MGLL: variants seen among roughly 807,000 people sequenced by gnomAD.
MGLL encodes the protein monoglyceride lipase.
MGLL carries 7 observed loss-of-function variants against 29.1 expected under a neutral mutation model. The observed-to-expected ratio is 0.24, with a 90% CI of 0.14 to 0.45. MGLL has a LOEUF of 0.45. MGLL is among the 20% of genes least tolerant of loss of function. MGLL has a pLI of 0.99. For missense variants in MGLL, 356 were observed against 413.6 expected (o/e 0.86, Z 1.21); for synonymous variants, 148 against 168.3 (o/e 0.88, Z 0.93).
intron 3 of MGLL, among the ~76,000 whole-genome samples, chr3:127,780,742 C>A (rs969564330): frequency 3.9e-5 from 6 of 152,350 alleles, no homozygotes. Flanking sequence ...GACTTCCAGG[C>A]CTCTGTCATT....
In MGLL at chr3:127,721,067, C is replaced by T; in HGVS notation, c.496G>A (p.Ala166Thr). The change falls in exon 5 of 8, where the codon GCA becomes ACA. Residue 166 changes from alanine to threonine, a missense_variant. Physicochemically the swap from Ala to Thr is moderately conservative, Grantham distance 58 (BLOSUM62 0). Transcript: ENST00000265052. ...SPLVLANPES[A>T]TTFKVLAAKV... Reference sequence around the variant, plus strand: ...GGTCCTTTTACCTTGAAAGTTGTTGCAGATTCAGGATTGGCAAGAACCAGA... The same window carrying T: ...GGTCCTTTTACCTTGAAAGTTGTTGTAGATTCAGGATTGGCAAGAACCAGA... The T allele has an allele frequency of 2.5e-6, 4 of 1,614,166 alleles. No individual in the cohort carries two copies. The highest frequency in any genetic ancestry group is 3.4e-6 in the Non-Finnish European group (4 of 1,180,000).
At chr3:127,813,411 T>C (rs777761049) in intron 2 of MGLL, among the ~76,000 whole-genome samples, 22 of 152,190 alleles carry the variant, frequency 1.4e-4, no homozygotes, top group Middle Eastern at 3.2e-3. Flanking sequence ...CACATACTTC[T>C]AACCACTGTC....
At chr3:127,712,207 C>A (rs2075728853) in intron 5 of MGLL, 1 of 152,248 alleles carries the variant, frequency 6.6e-6, no homozygotes, top group South Asian at 2.1e-4. Flanking sequence ...GTGTCTCTCT[C>A]CACAAATGTA....
chr3:127,705,394 TA>T (rs111421685), intron 6 of MGLL, among the ~76,000 whole-genome samples: 16 of 137,040 alleles, frequency 1.2e-4, no homozygotes, highest in Admixed American at 1.4e-4. Context: ...TAAATTAAAC[TA>T]AAAAAAAAAG....
chr3:127,742,401 C>T (rs1244444257), intron 3 of MGLL, among the ~76,000 whole-genome samples: 1 of 151,886 alleles, frequency 6.6e-6, no homozygotes, highest in East Asian at 1.9e-4. Context: ...ACCAGCCTGG[C>T]CAACATGGTG....
chr3:127,718,754 C>T (rs536966375), intron 5 of MGLL, among the ~76,000 whole-genome samples: 13 of 152,310 alleles, frequency 8.5e-5, no homozygotes, highest in African/African-American at 2.4e-4. Flanking sequence ...TTGCTGCCCA[C>T]GCCAACCGGG....
At chr3:127,746,917 C>T (rs539697853) in intron 3 of MGLL, among the ~76,000 whole-genome samples, 3 of 152,122 alleles carry the variant, frequency 2.0e-5, no homozygotes, top group African/African-American at 2.4e-5. Flanking sequence ...CCTCAGGGGA[C>T]GGGGTCTAGG....
intron 3 of MGLL, among the ~76,000 whole-genome samples, chr3:127,778,901 A>T (rs1421957978): frequency 2.0e-5 from 3 of 151,978 alleles, no homozygotes; most frequent in Non-Finnish European, 4.4e-5. Context: ...ATAGGTATAT[A>T]CCATGGGGCC....
At chr3:127,785,420 G>C (rs536759943) in intron 2 of MGLL, among the ~76,000 whole-genome samples, 1 of 152,376 alleles carries the variant, frequency 6.6e-6, no homozygotes, top group Admixed American at 6.5e-5. Flanking sequence ...ACCACTGGAT[G>C]CTGGGCACTG....
At chr3:127,748,928 T>G (rs2076504903) in intron 3 of MGLL, among the ~76,000 whole-genome samples, 1 of 152,200 alleles carries the variant, frequency 6.6e-6, no homozygotes, top group South Asian at 2.1e-4. Flanking sequence ...GATGCCCACC[T>G]CTGCCCACCT....
chr3:127,736,194 T>C, intron 3 of MGLL: 2 of 1,015,354 alleles, frequency 2.0e-6, no homozygotes, highest in Non-Finnish European at 2.4e-6. Flanking sequence ...TATTGTTAAG[T>C]ATCACTTTAA....
At chr3:127,735,799 TG>T in intron 3 of MGLL, 1 of 1,598,416 alleles carries the variant, frequency 6.3e-7, no homozygotes, top group Non-Finnish European at 8.5e-7. Flanking sequence ...GTATAAATTC[TG>T]GCATTCTCTT....
chr3:127,787,077 C>T (rs760460985), intron 2 of MGLL, among the ~76,000 whole-genome samples: 1 of 152,228 alleles, frequency 6.6e-6, no homozygotes, highest in Non-Finnish European at 1.5e-5. Context: ...GGCTCAGGAT[C>T]GAGGCTTCTG....
intron 6 of MGLL, among the ~76,000 whole-genome samples, chr3:127,704,381 A>G (rs1194819861): frequency 6.6e-6 from 1 of 152,246 alleles, no homozygotes; most frequent in African/African-American, 2.4e-5. Context: ...AACAAATGGT[A>G]TCTAATTAAA....
chr3:127,694,129 G>A (rs2075299777), intron 7 of MGLL, among the ~76,000 whole-genome samples: 1 of 151,774 alleles, frequency 6.6e-6, no homozygotes, highest in Non-Finnish European at 1.5e-5. Flanking sequence ...AATTAGCCGG[G>A]CAGGGTGGCA....
intron 2 of MGLL, among the ~76,000 whole-genome samples, chr3:127,806,404 GATGAATGAATAA>G (rs1225564511): frequency 6.6e-6 from 1 of 152,212 alleles, no homozygotes; most frequent in Non-Finnish European, 1.5e-5. Flanking sequence ...TGGATGGGTG[GATGAATGAATAA>G]ATGGATGGAT....
intron 3 of MGLL, among the ~76,000 whole-genome samples, chr3:127,769,636 C>G (rs1262832669): frequency 6.6e-6 from 1 of 152,190 alleles, no homozygotes; most frequent in African/African-American, 2.4e-5. Context: ...GCTGCCAGCC[C>G]GGGTGGCTTA....
intron 7 of MGLL, among the ~76,000 whole-genome samples, chr3:127,692,922 G>A (rs1242968866): frequency 1.3e-5 from 2 of 152,210 alleles, no homozygotes; most frequent in Non-Finnish European, 2.9e-5. Flanking sequence ...GCAGGCGGCT[G>A]GACTACGGGC....
chr3:127,803,307 G>C (rs562738347), intron 2 of MGLL, among the ~76,000 whole-genome samples: 1 of 152,068 alleles, frequency 6.6e-6, no homozygotes, highest in Non-Finnish European at 1.5e-5. Flanking sequence ...ATTGCTGCAC[G>C]GGGAGGGCCT....
Sources: allele counts gnomAD v4.1 joint callset (sites outside exome capture counted in the v4.1 genomes callset), GRCh38; gene constraint gnomAD v4.1.1; transcripts MANE v1.5; gene names NCBI Gene and HGNC (gene_info 2026-07-23, HGNC 2026-07-21).